The following TYW1 variants were observed in gnomAD, a reference collection of about 807,000 sequenced individuals.
The protein encoded by TYW1 is S-adenosyl-L-methionine-dependent tRNA 4-demethylwyosine synthase TYW1.
In TYW1, 46 loss-of-function variants were observed where a neutral mutation model predicts 96.2. The observed-to-expected ratio is 0.48, with a 90% confidence interval of 0.38 to 0.61. TYW1 has a LOEUF of 0.61. TYW1 is among the 20% of genes least tolerant of loss of function. The pLI, the probability that TYW1 is intolerant of heterozygous loss-of-function variation, is 0.00. For missense variants in TYW1, 684 were observed against 909.6 expected, an observed-to-expected ratio of 0.75 and a Z score of 3.19; for synonymous variants, 274 against 323.0, an observed-to-expected ratio of 0.85 and a Z score of 1.63.
intron 3 of TYW1, among the ~76,000 whole-genome samples, chr7:67,005,331 C>T (rs1793537122): frequency 6.6e-6 from 1 of 152,184 alleles, no homozygotes; most frequent in East Asian, 1.9e-4. Context: ...CACAGTGGCT[C>T]ACGCCTATAA....
intron 10 of TYW1, among the ~76,000 whole-genome samples, chr7:67,073,787 A>G (rs1466430550): frequency 4.1e-5 from 6 of 144,738 alleles, no homozygotes; most frequent in East Asian, 4.0e-4. Context: ...AAAAAAAAAA[A>G]AAAAAAGAAA....
chr7:67,203,380 A>G (rs1350649228), intron 15 of TYW1, among the ~76,000 whole-genome samples: 1 of 152,204 alleles, frequency 6.6e-6, no homozygotes, highest in African/African-American at 2.4e-5. Flanking sequence ...TTAGTCTTCT[A>G]TGCCAATCTA....
At chr7:67,201,286 T>A (rs1337707595) in intron 15 of TYW1, among the ~76,000 whole-genome samples, 8 of 134,134 alleles carry the variant, frequency 6.0e-5, no homozygotes, top group African/African-American at 2.6e-4. Context: ...GACAACAGAG[T>A]GAGACCCTCC....
At chr7:67,017,606 G>A (rs913794789) in intron 5 of TYW1, among the ~76,000 whole-genome samples, 1 of 151,966 alleles carries the variant, frequency 6.6e-6, no homozygotes, top group Non-Finnish European at 1.5e-5. Context: ...ATTTGATAAA[G>A]GGGGTTTGTT....
chr7:67,174,416 C>T (rs1411950048), intron 13 of TYW1, among the ~76,000 whole-genome samples: 3 of 150,716 alleles, frequency 2.0e-5, no homozygotes, highest in African/African-American at 7.3e-5. Context: ...CATGGAGCCT[C>T]AAAGGGCTGA....
intron 13 of TYW1, among the ~76,000 whole-genome samples, chr7:67,178,397 A>G (rs1584659688): frequency 6.6e-6 from 1 of 152,240 alleles, no homozygotes; most frequent in Non-Finnish European, 1.5e-5. Flanking sequence ...TCTTGCAAAC[A>G]TCGAATTCAG....
At position 67,094,651 on chromosome 7, in the gene TYW1, AGTGTGT is replaced by A. The variant is rs56069939; in HGVS notation, c.1385-3855_1385-3850del. On this transcript the variant is annotated intron_variant, in intron 11 of 15. Coordinates refer to ENST00000359626, the MANE Select transcript of TYW1 (RefSeq NM_018264.4). ...GGGAGGAAGAGAGAGAGAGAATTAG[AGTGTGT>A]GTGTGTGTGTGTGTGTGTGTGTGTG... Among the ~76,000 whole-genome samples the A allele has an allele frequency of 5.1e-3, 720 of 141,688 alleles. 3 individuals are homozygous for A. Among genetic ancestry groups the A allele is most frequent in the Middle Eastern group, 0.021 (6 of 288 alleles). The allele number at this position is 141,688 out of a possible 152,430, so 93.0% of individuals were successfully genotyped here. A position where few individuals can be genotyped will look rare whatever the true frequency, so the allele number is the denominator to read the frequency against.
chr7:67,194,554 G>A (rs1383956197), intron 14 of TYW1, among the ~76,000 whole-genome samples: 2 of 152,158 alleles, frequency 1.3e-5, no homozygotes, highest in African/African-American at 2.4e-5. Context: ...GAACCAGGAA[G>A]TGGAGGTTGT....
At chr7:67,107,104 GTA>G (rs1170415760) in intron 12 of TYW1, among the ~76,000 whole-genome samples, 39 of 152,314 alleles carry the variant, frequency 2.6e-4, no homozygotes, top group African/African-American at 8.9e-4. Context: ...TAGGTGCATA[GTA>G]TATGTTTGAA....
chr7:67,052,943 G>A (rs536170084), intron 8 of TYW1, among the ~76,000 whole-genome samples: 4 of 151,718 alleles, frequency 2.6e-5, no homozygotes, highest in East Asian at 3.9e-4. Flanking sequence ...GGGTTTTACC[G>A]TGTTAGCCAG....
chr7:67,150,064 A>G (rs994689549), intron 13 of TYW1, among the ~76,000 whole-genome samples: 1 of 151,390 alleles, frequency 6.6e-6, no homozygotes, highest in Non-Finnish European at 1.5e-5. Context: ...GACTCTGAAA[A>G]ACACTGGAGA....
chr7:67,089,117 C>T, intron 11 of TYW1: 1 of 419,828 alleles, frequency 2.4e-6, no homozygotes. Flanking sequence ...ACAAATAGCC[C>T]CAGGGACAGG....
chr7:67,086,137 C>A (rs1796543162), intron 11 of TYW1, among the ~76,000 whole-genome samples: 1 of 151,994 alleles, frequency 6.6e-6, no homozygotes, highest in African/African-American at 2.4e-5. Flanking sequence ...TTTTTAGTTT[C>A]AAGCATTTTT....
intron 6 of TYW1, among the ~76,000 whole-genome samples, chr7:67,021,404 C>T (rs1401202883): frequency 6.6e-6 from 1 of 152,276 alleles, no homozygotes; most frequent in African/African-American, 2.4e-5. Context: ...TGCATGCCTC[C>T]TGGTGCTTGC....
chr7:67,068,329 C>G (rs1394655613), intron 10 of TYW1, among the ~76,000 whole-genome samples: 1 of 152,122 alleles, frequency 6.6e-6, no homozygotes, highest in Non-Finnish European at 1.5e-5. Flanking sequence ...GCCTACTAAC[C>G]CATTTCTTTC....
intron 13 of TYW1, among the ~76,000 whole-genome samples, chr7:67,157,049 T>C (rs2116196594): frequency 6.6e-6 from 1 of 152,212 alleles, no homozygotes; most frequent in Non-Finnish European, 1.5e-5. Context: ...GATGCTCTTT[T>C]CGAGGTGTGG....
intron 13 of TYW1, among the ~76,000 whole-genome samples, chr7:67,134,337 G>A (rs1242251306): frequency 3.3e-5 from 5 of 152,066 alleles, no homozygotes; most frequent in Admixed American, 1.3e-4. Flanking sequence ...GAGGTCAGGA[G>A]TTCGAGACCA....
chr7:67,095,695 A>G (rs141712737), intron 11 of TYW1, among the ~76,000 whole-genome samples: 41 of 111,238 alleles, frequency 3.7e-4, no homozygotes, highest in South Asian at 1.1e-3. Flanking sequence ...AACAACAACA[A>G]CAACAGCAGC....
At chr7:67,002,856 C>CTTTTTTTTTTTTTTTTTTTTT (rs547425705) in intron 3 of TYW1, among the ~76,000 whole-genome samples, 1 of 110,882 alleles carries the variant, frequency 9.0e-6, no homozygotes, top group African/African-American at 3.3e-5. Flanking sequence ...TTTCTTTTTT[C>CTTTTTTTTTTTTTTTTTTTTT]TTTTTTTTTT....
Sources: gnomAD v4.1 joint callset for allele counts (sites outside exome capture counted in the v4.1 genomes callset) on GRCh38, gnomAD v4.1.1 for gene constraint, MANE v1.5 for transcripts, NCBI Gene and HGNC (gene_info 2026-07-23, HGNC 2026-07-21) for gene names.